MGST2: variants seen among roughly 807,000 people sequenced by gnomAD.
MGST2 encodes microsomal glutathione S-transferase 2.
MGST2 carries 9 observed loss-of-function variants against 16.6 expected under a neutral mutation model. The ratio of observed to expected loss-of-function variants is 0.54; its 90% CI spans 0.33 to 0.95. MGST2 has a LOEUF of 0.95. Among genes scored for constraint, MGST2 ranks in the 40% least tolerant of loss-of-function variants. The probability of loss-of-function intolerance (pLI) is 0.03; values close to 1 mark genes in which losing one functional copy is unlikely to be tolerated. For missense variants in MGST2, 159 were observed against 175.1 expected, an observed-to-expected ratio of 0.91 and a Z score of 0.52; for synonymous variants, 79 against 68.0, an observed-to-expected ratio of 1.16 and a Z score of -0.79.
chr4:139,729,795 A>T (rs1475866116), intron 5 of MGST2, among the ~76,000 whole-genome samples: 1 of 152,228 alleles, frequency 6.6e-6, no homozygotes, highest in Non-Finnish European at 1.5e-5. Flanking sequence ...TGCTTAAGGT[A>T]AAGCTGTATT....
chr4:139,747,432 G>A, the MGST2 span, among the ~76,000 whole-genome samples: 10 of 152,196 alleles, frequency 6.6e-5, no homozygotes, highest in Admixed American at 5.9e-4. Context: ...AGTGGCTCAC[G>A]CCTGTAATCC....
chr4:139,704,853 C>T (rs957989767), downstream of MGST2, among the ~76,000 whole-genome samples: 5 of 152,008 alleles, frequency 3.3e-5, no homozygotes, highest in South Asian at 2.1e-4. Context: ...ACCTGGGAGG[C>T]GGAGCTTGCA....
chr4:139,699,409 T>C (rs1010623698), intron 3 of MGST2, among the ~76,000 whole-genome samples: 2 of 152,248 alleles, frequency 1.3e-5, no homozygotes, highest in East Asian at 1.9e-4. Context: ...TGAAGCTTTG[T>C]AAAAATTTGC....
the MGST2 span, among the ~76,000 whole-genome samples, chr4:139,752,542 G>A: frequency 6.6e-6 from 1 of 152,232 alleles, no homozygotes; most frequent in South Asian, 2.1e-4. Flanking sequence ...GGCTGGGAAA[G>A]TGGCTGGCAG....
At chr4:139,750,192 G>C in the MGST2 span, among the ~76,000 whole-genome samples, 1 of 152,172 alleles carries the variant, frequency 6.6e-6, no homozygotes, top group Non-Finnish European at 1.5e-5. Context: ...GAGAAAGGGA[G>C]GGTTCAGATC....
chr4:139,666,097 C>CGT lies in MGST2; in HGVS notation c.58+28_58+29dup, dbSNP rs746554966. 2.7e-6 allele frequency: 4 copies of CGT among 1,482,532 alleles called. No individual in the cohort carries two copies. The highest frequency in any genetic ancestry group is 3.6e-6 in the Non-Finnish European group (4 of 1,102,044). 91.8% of individuals were successfully genotyped at this position (1,482,532 alleles called of 1,614,324 possible). ...AGCAAAGTAAGAGGCATGGGAAGTT[C>CGT]GTGTGTGTGCGCGTGTGTGCGTGTG... On this transcript the variant is annotated intron_variant, in intron 1 of 4. Transcript: ENST00000265498.
intron 5 of MGST2, chr4:139,719,317 T>A (rs756738271): frequency 6.4e-7 from 1 of 1,560,396 alleles, no homozygotes; most frequent in Non-Finnish European, 8.7e-7. Flanking sequence ...TTGGGGCCTC[T>A]CTTGATTAGG....
chr4:139,728,224 C>CA (rs1728555334), intron 5 of MGST2, among the ~76,000 whole-genome samples: 1 of 152,018 alleles, frequency 6.6e-6, no homozygotes, highest in South Asian at 2.1e-4. Flanking sequence ...CAAAACAAAA[C>CA]AAACAAAAAA....
chr4:139,708,216 T>A (rs1160477686), downstream of MGST2, among the ~76,000 whole-genome samples: 5 of 152,326 alleles, frequency 3.3e-5, no homozygotes, highest in South Asian at 6.2e-4. Context: ...TAAGTCTTTA[T>A]TCCATCTTGA....
chr4:139,672,990 T>C lies in MGST2; in HGVS notation c.59-5553T>C, dbSNP rs1442953699. ...TACACCAGGATCAATATTGACTTCT[T>C]GTGAGAGGGGGAGATCATATCCTGT... On this transcript the variant is annotated intron_variant, in intron 1 of 4. Transcript: ENST00000265498. Among the ~76,000 whole-genome samples the C allele has an allele frequency of 2.6e-5, 4 of 152,198 alleles. No homozygotes were observed. The East Asian group carries it at 7.7e-4, about 29-fold the overall frequency.
intron 5 of MGST2, among the ~76,000 whole-genome samples, chr4:139,736,590 A>T (rs986883939): frequency 1.3e-5 from 2 of 152,204 alleles, no homozygotes; most frequent in Admixed American, 6.5e-5. Context: ...AATAGCTAAG[A>T]ATACTCTAAA....
intron 5 of MGST2, among the ~76,000 whole-genome samples, chr4:139,738,617 A>T (rs1729041534): frequency 6.6e-6 from 1 of 152,226 alleles, no homozygotes; most frequent in Non-Finnish European, 1.5e-5. Context: ...GCAATTACTT[A>T]AAAAATATAC....
At chr4:139,730,354 A>G in intron 5 of MGST2, 1 of 1,432,902 alleles carries the variant, frequency 7.0e-7, no homozygotes. Flanking sequence ...CACAGGCAGC[A>G]GGCAGGTGCT....
chr4:139,753,117 C>T, the MGST2 span, among the ~76,000 whole-genome samples: 1 of 152,140 alleles, frequency 6.6e-6, no homozygotes, highest in Non-Finnish European at 1.5e-5. Flanking sequence ...GGTTACACAC[C>T]ACTCAATTCC....
intron 3 of MGST2, among the ~76,000 whole-genome samples, chr4:139,701,379 A>G (rs1727240303): frequency 6.6e-6 from 1 of 152,104 alleles, no homozygotes; most frequent in African/African-American, 2.4e-5. Flanking sequence ...GGAAGGGTCC[A>G]CCAGCTCTTC....
intron 3 of MGST2, among the ~76,000 whole-genome samples, chr4:139,696,949 C>T (rs1726958056): frequency 6.6e-6 from 1 of 151,976 alleles, no homozygotes; most frequent in South Asian, 2.1e-4. Flanking sequence ...GGCAAGTAGA[C>T]TACTTTTATG....
At chr4:139,698,427 C>G in intron 3 of MGST2, 2 of 1,404,018 alleles carry the variant, frequency 1.4e-6, no homozygotes, top group Non-Finnish European at 2.0e-6. Context: ...AGTACCAGGC[C>G]TGTAACGATG....
At chr4:139,683,995 G>A (rs147930431) in intron 2 of MGST2, among the ~76,000 whole-genome samples, 1 of 135,086 alleles carries the variant, frequency 7.4e-6, no homozygotes, top group East Asian at 2.2e-4. Flanking sequence ...CCACAATCTT[G>A]GCTCACTGCA....
chr4:139,678,080 G>A (rs1348630552), intron 1 of MGST2, among the ~76,000 whole-genome samples: 2 of 152,160 alleles, frequency 1.3e-5, no homozygotes, highest in South Asian at 2.1e-4. Flanking sequence ...GTGGAGCGGG[G>A]TCTTTGTTCT....
Sources: allele counts gnomAD v4.1 joint callset (sites outside exome capture counted in the v4.1 genomes callset), GRCh38; gene constraint gnomAD v4.1.1; transcripts MANE v1.5; gene names NCBI Gene and HGNC (gene_info 2026-07-23, HGNC 2026-07-21).